The following DOCK5 variants were observed in gnomAD, a reference collection of about 807,000 sequenced individuals.
The protein encoded by DOCK5 is dedicator of cytokinesis protein 5.
DOCK5 carries 142 observed loss-of-function variants against 251.8 expected under a neutral mutation model. That is an observed-to-expected ratio of 0.56 (90% CI 0.49 to 0.65). DOCK5 has a LOEUF of 0.65. Ranked by LOEUF, DOCK5 falls within the 30% of genes least tolerant of loss-of-function variation. The pLI is 0.00. For synonymous variants in DOCK5, 842 were observed against 835.5 expected (o/e 1.01, Z -0.13); for missense variants, 2,111 against 2,312.3 (o/e 0.91, Z 1.79).
At chr8:25,296,694 T>G in intron 7 of DOCK5, 46 bp downstream of exon 7, 1 of 1,598,534 alleles carries the variant, frequency 6.3e-7, no homozygotes, top group Non-Finnish European at 8.5e-7. Flanking sequence ...GGTTCCATTT[T>G]TGCCTTGGTT....
At chr8:25,377,860 A>G (rs1014718476) in intron 38 of DOCK5, among the ~76,000 whole-genome samples, 18 of 151,638 alleles carry the variant, frequency 1.2e-4, no homozygotes, top group Non-Finnish European at 1.6e-4. Context: ...GTGTTCCTCA[A>G]TCAGGAAGCT....
At position 25,332,307 on chromosome 8, in the gene DOCK5, C is replaced by T; in HGVS notation, c.1960C>T (p.Leu654=). ...RSNSQNIKHN[L]KKLMEVDGGE... is the part of the protein sequence containing the mutation. ...CAACTCCCAGAACATTAAACACAAC[C>T]TAAAGAAGTTAATGGAAGTGGATGG... is the stretch of plus-strand genomic sequence containing the variant. Residue 654 remains leucine, a synonymous_variant, in exon 19 of 52, where the codon CTA becomes TTA. Transcript: ENST00000276440. 1 of 1,613,440 alleles carries T rather than the reference C, an allele frequency of 6.2e-7. No homozygotes were observed. Among genetic ancestry groups the T allele is most frequent in the African/African-American group, 1.3e-5 (1 of 74,944 alleles).
chr8:25,261,134 C>A (rs1442772858), intron 2 of DOCK5, among the ~76,000 whole-genome samples: 1 of 152,116 alleles, frequency 6.6e-6, no homozygotes. Flanking sequence ...TTGGCCTTTC[C>A]CAGGTTAGCC....
At chr8:25,312,472 C>G (rs1805127070) in intron 13 of DOCK5, among the ~76,000 whole-genome samples, 1 of 152,204 alleles carries the variant, frequency 6.6e-6, no homozygotes, top group Non-Finnish European at 1.5e-5. Flanking sequence ...TAAAATTCAT[C>G]TAGAATACGG....
intron 13 of DOCK5, among the ~76,000 whole-genome samples, chr8:25,315,364 G>C (rs1394235087): frequency 1.3e-5 from 2 of 151,888 alleles, no homozygotes; most frequent in East Asian, 3.9e-4. Context: ...ACAGAGCCTG[G>C]CACATTCCTC....
intron 1 of DOCK5, among the ~76,000 whole-genome samples, chr8:25,235,945 G>A (rs1056468957): frequency 4.6e-5 from 7 of 151,632 alleles, no homozygotes; most frequent in African/African-American, 1.7e-4. Context: ...TAACAGGTGC[G>A]TGCTGCCATG....
chr8:25,364,750 G>A (rs374323332), intron 30 of DOCK5, 46 bp downstream of exon 30: 46 of 1,353,692 alleles, frequency 3.4e-5, no homozygotes, highest in Non-Finnish European at 4.2e-5. Context: ...CTTGGCCATG[G>A]CAAGAGAACT....
At chr8:25,340,709 C>T (rs558095103) in intron 22 of DOCK5, among the ~76,000 whole-genome samples, 168 bp from the exon 23 acceptor site, 13 of 152,236 alleles carry the variant, frequency 8.5e-5, no homozygotes, top group East Asian at 3.9e-4. Context: ...CCGGGTTGAG[C>T]GGCTTCTCTA....
chr8:25,302,735 G>A (rs114705922), intron 10 of DOCK5, among the ~76,000 whole-genome samples: 2,911 of 152,226 alleles, frequency 0.019, 100 homozygotes, highest in African/African-American at 0.065. Context: ...GCCTTAAACA[G>A]GACGGGAATT....
At chr8:25,315,693 C>A (rs1805228199) in intron 13 of DOCK5, among the ~76,000 whole-genome samples, 3 of 152,226 alleles carry the variant, frequency 2.0e-5, no homozygotes, top group Admixed American at 2.0e-4. Context: ...TACTTTGAGA[C>A]AAATATTACC....
chr8:25,412,366 C>T lies in DOCK5; in HGVS notation c.*1068C>T, dbSNP rs917895166. 9 of 152,152 alleles carry T rather than the reference C, an allele frequency of 5.9e-5. No individual in the cohort carries two copies. The highest frequency in any genetic ancestry group is 2.2e-4 in the African/African-American group (9 of 41,430). 9.4% of individuals were successfully genotyped at this position (152,152 alleles called of 1,614,324 possible). On this transcript the variant is annotated 3_prime_UTR_variant, in exon 52 of 52. Coordinates refer to ENST00000276440, the MANE Select transcript of DOCK5 (RefSeq NM_024940.8). Reference sequence around the variant, plus strand: ...GATTTAGGTGACCAAATATTACATACATAAATAGCCACATGAAGTTTTAGA... The same window carrying T: ...GATTTAGGTGACCAAATATTACATATATAAATAGCCACATGAAGTTTTAGA...
intron 18 of DOCK5, among the ~76,000 whole-genome samples, chr8:25,326,350 A>C (rs547113161): frequency 1.6e-4 from 25 of 152,148 alleles, no homozygotes; most frequent in Non-Finnish European, 2.8e-4. Flanking sequence ...AAAAAAGTGT[A>C]GTTATAGGGT....
chr8:25,186,257 T>TC (rs1251019121), intron 1 of DOCK5, among the ~76,000 whole-genome samples: 1 of 152,230 alleles, frequency 6.6e-6, no homozygotes, highest in East Asian at 1.9e-4. Flanking sequence ...AAAGACATTT[T>TC]CTTTTTTGCT....
chr8:25,393,026 C>T (rs1304913897), intron 44 of DOCK5, 144 bp downstream of exon 44: 2 of 678,258 alleles, frequency 2.9e-6, no homozygotes, highest in Admixed American at 4.8e-5. Context: ...AAATAAAAGG[C>T]ATGCTTATAT....
intron 37 of DOCK5, chr8:25,374,927 A>G (rs1586374681): frequency 1.6e-6 from 2 of 1,260,508 alleles, no homozygotes; most frequent in Non-Finnish European, 1.0e-6. Flanking sequence ...TAAAACACAC[A>G]TTGATGAATA....
At chr8:25,395,864 A>G in intron 45 of DOCK5, 145 bp downstream of exon 45, 1 of 1,011,118 alleles carries the variant, frequency 9.9e-7, no homozygotes. Context: ...GAAGTGAATG[A>G]AACGATTGTC....
chr8:25,352,563 C>G (rs772466529), intron 27 of DOCK5, among the ~76,000 whole-genome samples: 8 of 152,134 alleles, frequency 5.3e-5, no homozygotes, highest in Non-Finnish European at 1.0e-4. Flanking sequence ...ATATTAAAAG[C>G]TTCCTATATT....
intron 2 of DOCK5, among the ~76,000 whole-genome samples, chr8:25,268,572 T>G (rs1233955639): frequency 6.6e-6 from 1 of 152,304 alleles, no homozygotes; most frequent in Non-Finnish European, 1.5e-5. Flanking sequence ...TTTTTTTTGC[T>G]ATTGTTCTAT....
Position 25,336,396 on chromosome 8 carries a change from T to C in DOCK5, c.2327+23T>C, listed in dbSNP as rs762761260. On this transcript the variant is annotated intron_variant, in intron 22 of 51. Transcript: ENST00000276440. ...GAGGTAATGTTAACTGCAGTGAAGATGTTTAGATTATCAGCTGTCACTCTG... is the reference window on the plus strand; with the variant it reads ...GAGGTAATGTTAACTGCAGTGAAGACGTTTAGATTATCAGCTGTCACTCTG... 5 of 1,607,970 alleles carry C rather than the reference T, an allele frequency of 3.1e-6. No individual in the cohort carries two copies. The South Asian group carries it at 3.3e-5, about 11-fold the overall frequency.
Sources: gnomAD v4.1 joint callset for allele counts (sites outside exome capture counted in the v4.1 genomes callset) on GRCh38, gnomAD v4.1.1 for gene constraint, MANE v1.5 for transcripts, NCBI Gene and HGNC (gene_info 2026-07-23, HGNC 2026-07-21) for gene names.